The following DACH2 variants were observed in gnomAD, a reference collection of about 807,000 sequenced individuals.
DACH2 encodes dachshund family transcription factor 2, also known as dachshund homolog 2.
A neutral mutation model predicts 35.8 loss-of-function variants in DACH2; 17 were observed. That is an observed-to-expected ratio of 0.48 (90% confidence interval 0.33 to 0.71). DACH2 has a LOEUF of 0.71. DACH2 is among the 30% of genes least tolerant of loss of function. The pLI, the probability that DACH2 is intolerant of heterozygous loss-of-function variation, is 0.02. For missense variants in DACH2, 469 were observed against 472.7 expected (o/e 0.99, Z 0.07); for synonymous variants, 195 against 177.3 (o/e 1.10, Z -0.79).
chrX:86,546,843 G>T (rs770474718), intron 3 of DACH2, among the ~76,000 whole-genome samples: 1 of 109,984 alleles, frequency 9.1e-6, no homozygotes, highest in South Asian at 4.0e-4. Context: ...GGATCATGGG[G>T]CAGATGCCTC....
At chrX:86,311,846 C>T (rs1263176854) in intron 1 of DACH2, among the ~76,000 whole-genome samples, 2 of 111,449 alleles carry the variant, frequency 1.8e-5, no homozygotes, top group African/African-American at 6.5e-5. Flanking sequence ...TGAAATCAGT[C>T]TACTACTCCA....
At chrX:86,456,187 C>G (rs781428302) in intron 2 of DACH2, among the ~76,000 whole-genome samples, 1 of 111,999 alleles carries the variant, frequency 8.9e-6, no homozygotes, top group African/African-American at 3.2e-5. Flanking sequence ...AGTGTGAGAA[C>G]CTGGATATTT....
At chrX:86,540,757 A>G (rs182445781) in intron 3 of DACH2, among the ~76,000 whole-genome samples, 116 of 111,858 alleles carry the variant, frequency 1.0e-3, no homozygotes, top group African/African-American at 3.7e-3. Context: ...TTTTAGTGCT[A>G]TGATTGCCAT....
intron 2 of DACH2, among the ~76,000 whole-genome samples, chrX:86,452,762 A>T (rs1335111260): frequency 9.0e-6 from 1 of 110,913 alleles, no homozygotes; most frequent in East Asian, 2.8e-4. Flanking sequence ...TTTTTTAAAA[A>T]ATCAGCTTCT....
At chrX:86,227,765 A>G (rs1044981049) in intron 1 of DACH2, among the ~76,000 whole-genome samples, 2 of 106,265 alleles carry the variant, frequency 1.9e-5, no homozygotes, top group Non-Finnish European at 3.8e-5. Context: ...AATTATTTTA[A>G]TAAACAATTA....
At chrX:86,284,632 G>A (rs775798841) in intron 1 of DACH2, among the ~76,000 whole-genome samples, 4 of 99,111 alleles carry the variant, frequency 4.0e-5, no homozygotes, top group Admixed American at 1.2e-4. Flanking sequence ...GAGTTTGGAA[G>A]CATTCTTCCT....
intron 1 of DACH2, among the ~76,000 whole-genome samples, chrX:86,340,615 A>G (rs1028553164): frequency 1.8e-5 from 2 of 111,690 alleles, no homozygotes; most frequent in Non-Finnish European, 3.8e-5. Flanking sequence ...ACTTTAAACC[A>G]AAAGCTAGAA....
rs192702152 is a variant in DACH2 at position 86,647,178 on chromosome X, A to G, written c.641-3858A>G. On this transcript the variant is annotated intron_variant, in intron 3 of 11. Coordinates refer to ENST00000373125, the MANE Select transcript of DACH2 (RefSeq NM_053281.3). ...CCATCCAACGATCCCACTTCTGAAT[A>G]TATATGAGGTAAAATCATAATCTTA... is the stretch of plus-strand genomic sequence containing the variant. Among the ~76,000 whole-genome samples, 6 of 110,548 alleles carry G rather than the reference A, an allele frequency of 5.4e-5. No homozygotes were observed. The East Asian group carries it at 1.7e-3, about 31-fold the overall frequency.
At chrX:86,543,353 G>A (rs1037994504) in intron 3 of DACH2, among the ~76,000 whole-genome samples, 2 of 111,790 alleles carry the variant, frequency 1.8e-5, no homozygotes, top group African/African-American at 3.3e-5. Context: ...TTCAAAGATT[G>A]GAGGATCATT....
At chrX:86,592,987 T>A (rs774392892) in intron 3 of DACH2, among the ~76,000 whole-genome samples, 1 of 111,997 alleles carries the variant, frequency 8.9e-6, no homozygotes, top group South Asian at 3.7e-4. Context: ...TTCTTTTCAA[T>A]ATGTATATCC....
At chrX:86,357,650 T>G (rs2035665135) in intron 1 of DACH2, among the ~76,000 whole-genome samples, 1 of 112,459 alleles carries the variant, frequency 8.9e-6, no homozygotes, top group African/African-American at 3.2e-5. Context: ...TTTCTGGGCT[T>G]ATTCAAACAT....
At chrX:86,437,720 A>C (rs191103287) in intron 2 of DACH2, among the ~76,000 whole-genome samples, 1 of 110,927 alleles carries the variant, frequency 9.0e-6, no homozygotes, top group South Asian at 3.8e-4. Context: ...TATTATTTTG[A>C]ATAGTGCTGC....
chrX:86,215,771 G>C, intron 1 of DACH2, among the ~76,000 whole-genome samples: 1 of 111,911 alleles, frequency 8.9e-6, no homozygotes, highest in Non-Finnish European at 1.9e-5. Context: ...GCAGTAACTA[G>C]ATATGGGCAA....
chrX:86,505,824 T>C (rs1160581485), intron 2 of DACH2, among the ~76,000 whole-genome samples: 1 of 112,069 alleles, frequency 8.9e-6, no homozygotes, highest in Non-Finnish European at 1.9e-5. Context: ...GATTAGAAAG[T>C]GAAAATACGA....
chrX:86,181,418 G>C (rs934677155), intron 1 of DACH2, among the ~76,000 whole-genome samples: 5 of 110,980 alleles, frequency 4.5e-5, no homozygotes, highest in African/African-American at 1.3e-4. Context: ...TCCCATTTAT[G>C]AGTGAAAACA....
intron 7 of DACH2, among the ~76,000 whole-genome samples, chrX:86,756,637 A>C (rs182419683): frequency 1.4e-3 from 151 of 111,266 alleles, no homozygotes; most frequent in African/African-American, 4.8e-3. Flanking sequence ...TTTTTTGGTG[A>C]AATCTTTAGG....
At chrX:86,240,258 C>T (rs747011303) in intron 1 of DACH2, among the ~76,000 whole-genome samples, 6 of 110,892 alleles carry the variant, frequency 5.4e-5, no homozygotes, top group Non-Finnish European at 9.4e-5. Flanking sequence ...ATACGCTCAT[C>T]ACACCAGAGA....
intron 2 of DACH2, among the ~76,000 whole-genome samples, chrX:86,441,349 A>G (rs1251231422): frequency 1.8e-5 from 2 of 111,371 alleles, no homozygotes; most frequent in Non-Finnish European, 3.8e-5. Context: ...TTTAGGTGCC[A>G]CAAATGAGTG....
intron 2 of DACH2, among the ~76,000 whole-genome samples, chrX:86,495,046 T>G (rs73631955): frequency 0.012 from 1,350 of 109,926 alleles, 21 homozygotes; most frequent in African/African-American, 0.042. Context: ...ATTAATTAAT[T>G]TATTTATTTA....
Sources: allele counts gnomAD v4.1 joint callset (sites outside exome capture counted in the v4.1 genomes callset), GRCh38; gene constraint gnomAD v4.1.1; transcripts MANE v1.5; gene names NCBI Gene and HGNC (gene_info 2026-07-23, HGNC 2026-07-21).